The following EYS variants were observed in gnomAD, a reference collection of about 807,000 sequenced individuals.
EYS encodes the protein protein eyes shut homolog.
A neutral mutation model predicts 282.1 loss-of-function variants in EYS; 250 were observed. That is an observed-to-expected ratio of 0.89 (90% CI 0.80 to 0.98). EYS has a LOEUF of 0.98. Ranked by LOEUF, EYS falls within the 50% of genes least tolerant of loss-of-function variation. The pLI is 0.00. For missense variants in EYS, 4,016 were observed against 3,709.0 expected (o/e 1.08, Z -2.15); for synonymous variants, 1,355 against 1,282.9 (o/e 1.06, Z -1.20).
intron 40 of EYS, among the ~76,000 whole-genome samples, chr6:63,765,433 C>G (rs1298902427): frequency 6.6e-6 from 1 of 151,458 alleles, no homozygotes; most frequent in Admixed American, 6.6e-5. Context: ...AATGTATGCA[C>G]TGAAAGGAGG....
chr6:65,370,355 A>G (rs1482536336), intron 8 of EYS, among the ~76,000 whole-genome samples: 6 of 149,152 alleles, frequency 4.0e-5, no homozygotes, highest in Admixed American at 2.8e-4. Context: ...CCTGGGCTCA[A>G]AGTGATTATC....
At chr6:65,478,484 G>A (rs1471521279) in intron 5 of EYS, among the ~76,000 whole-genome samples, 1 of 152,050 alleles carries the variant, frequency 6.6e-6, no homozygotes, top group Non-Finnish European at 1.5e-5. Flanking sequence ...ACATGAATTG[G>A]TTCATTTAGT....
At chr6:64,564,268 CTT>C (rs4034161) in intron 26 of EYS, among the ~76,000 whole-genome samples, 4 of 59,386 alleles carry the variant, frequency 6.7e-5, no homozygotes, top group South Asian at 2.0e-3. Context: ...ATCTTTTGTC[CTT>C]TTTTTTTTTT....
chr6:64,642,215 CTTAAAG>C (rs764997866), intron 22 of EYS, among the ~76,000 whole-genome samples: 1 of 152,250 alleles, frequency 6.6e-6, no homozygotes, highest in African/African-American at 2.4e-5. Flanking sequence ...CTGGTGGTTA[CTTAAAG>C]TTAAAAGCAT....
At chr6:65,703,952 C>T (rs1354980732) in intron 1 of EYS, among the ~76,000 whole-genome samples, 2 of 152,028 alleles carry the variant, frequency 1.3e-5, no homozygotes, top group Admixed American at 6.6e-5. Flanking sequence ...ACAGTATTAA[C>T]ATGTCTGGAG....
chr6:63,981,820 A>T (rs1388823799), intron 35 of EYS, among the ~76,000 whole-genome samples: 3 of 151,844 alleles, frequency 2.0e-5, no homozygotes, highest in Non-Finnish European at 4.4e-5. Context: ...GAGCTGATAG[A>T]GCTTCCACGC....
chr6:63,768,611 C>T (rs1445159944), intron 40 of EYS, among the ~76,000 whole-genome samples: 1 of 150,386 alleles, frequency 6.6e-6, no homozygotes, highest in African/African-American at 2.5e-5. Context: ...AAAGGGCACA[C>T]TTACACATTG....
At chr6:64,534,141 C>T (rs913453824) in intron 26 of EYS, among the ~76,000 whole-genome samples, 23 of 151,360 alleles carry the variant, frequency 1.5e-4, no homozygotes, top group African/African-American at 5.3e-4. Flanking sequence ...CCTTAGATCT[C>T]TACATTTAGA....
intron 35 of EYS, among the ~76,000 whole-genome samples, chr6:63,941,662 A>G (rs1765244806): frequency 6.6e-6 from 1 of 152,214 alleles, no homozygotes; most frequent in African/African-American, 2.4e-5. Flanking sequence ...TTAGTAAGGA[A>G]TAGAAGCAAG....
At chr6:63,989,723 G>A (rs745997326) in intron 34 of EYS, among the ~76,000 whole-genome samples, 4 of 151,136 alleles carry the variant, frequency 2.6e-5, no homozygotes, top group South Asian at 2.1e-4. Context: ...CTCTTTCCCC[G>A]TGTTATGCTG....
chr6:64,052,835 CTGCGAAGAGG>C (rs1770856176), intron 33 of EYS, among the ~76,000 whole-genome samples: 1 of 152,144 alleles, frequency 6.6e-6, no homozygotes, highest in Non-Finnish European at 1.5e-5. Context: ...TTCTGCCACC[CTGCGAAGAGG>C]TGCCTTCTGC....
intron 15 of EYS, among the ~76,000 whole-genome samples, chr6:64,945,558 A>G (rs186997501): frequency 6.6e-6 from 1 of 152,240 alleles, no homozygotes; most frequent in East Asian, 1.9e-4. Flanking sequence ...TATCATTACC[A>G]TATTGGAACA....
rs1422544111 is a variant in EYS at position 65,495,657 on chromosome 6, A to G, written c.-197-50T>C. 1.3e-5 allele frequency: 7 copies of G among 557,380 alleles called. No homozygotes were observed. The East Asian group carries it at 1.9e-4, about 15-fold the overall frequency. 34.5% of individuals were successfully genotyped at this position (557,380 alleles called of 1,614,324 possible). ...TGTTAGTGAAGTTTTCCCTAAATTAATAATATAGAAAATGCTAGCTCTTTT... is the reference window on the plus strand; with the variant it reads ...TGTTAGTGAAGTTTTCCCTAAATTAGTAATATAGAAAATGCTAGCTCTTTT... On this transcript the variant is annotated intron_variant, in intron 3 of 42. Coordinates refer to ENST00000503581, the MANE Select transcript of EYS (RefSeq NM_001142800.2).
intron 14 of EYS, among the ~76,000 whole-genome samples, chr6:64,961,283 T>C (rs1583335061): frequency 6.6e-6 from 1 of 152,280 alleles, no homozygotes; most frequent in East Asian, 1.9e-4. Flanking sequence ...TGTAGCCCTT[T>C]AAAGACGTGT....
At chr6:65,476,828 G>A (rs1184410880) in intron 5 of EYS, among the ~76,000 whole-genome samples, 1 of 152,120 alleles carries the variant, frequency 6.6e-6, no homozygotes, top group Non-Finnish European at 1.5e-5. Context: ...ACTGGCCTTG[G>A]CCTCCCAAAG....
chr6:65,479,863 A>C (rs1478483477), intron 5 of EYS, among the ~76,000 whole-genome samples: 4 of 152,096 alleles, frequency 2.6e-5, no homozygotes, highest in South Asian at 2.1e-4. Context: ...ATGGAAAAAA[A>C]TTTTAAAGTA....
chr6:64,103,597 A>C (rs942062498), intron 31 of EYS, among the ~76,000 whole-genome samples: 3 of 152,146 alleles, frequency 2.0e-5, no homozygotes, highest in Non-Finnish European at 4.4e-5. Flanking sequence ...TAGAGCTAGA[A>C]AGAGAGGTAG....
intron 2 of EYS, among the ~76,000 whole-genome samples, chr6:65,509,073 G>A (rs1766768354): frequency 6.6e-6 from 1 of 152,170 alleles, no homozygotes; most frequent in African/African-American, 2.4e-5. Context: ...TACCCAATGA[G>A]TAAACTGGAG....
intron 2 of EYS, among the ~76,000 whole-genome samples, chr6:65,535,261 C>T (rs1285145449): frequency 1.3e-5 from 2 of 152,160 alleles, no homozygotes. Flanking sequence ...TATGGTTTGG[C>T]TGTGTCCCCA....
Sources: allele counts gnomAD v4.1 joint callset (sites outside exome capture counted in the v4.1 genomes callset), GRCh38; gene constraint gnomAD v4.1.1; transcripts MANE v1.5; gene names NCBI Gene and HGNC (gene_info 2026-07-23, HGNC 2026-07-21).